KYAT1: variants seen among roughly 807,000 people sequenced by gnomAD.
KYAT1 encodes the protein kynurenine--oxoglutarate transaminase 1.
Under a neutral mutation model 52.4 loss-of-function variants are expected in KYAT1, and 47 were observed. The ratio of observed to expected loss-of-function variants is 0.90; its 90% CI spans 0.71 to 1.14. The LOEUF is 1.14. Among genes scored for constraint, KYAT1 ranks in the 50% most tolerant of loss-of-function variants. The pLI is 0.00. For synonymous variants in KYAT1, 212 were observed against 209.6 expected, an observed-to-expected ratio of 1.01 and a Z score of -0.10; for missense variants, 480 against 557.9, an observed-to-expected ratio of 0.86 and a Z score of 1.41.
chr9:128,850,618 G>A (rs547206210), intron 1 of KYAT1, among the ~76,000 whole-genome samples: 9 of 152,278 alleles, frequency 5.9e-5, no homozygotes, highest in Admixed American at 3.3e-4. Flanking sequence ...CTGAAATATG[G>A]CCTCGTGGGA....
intron 1 of KYAT1, among the ~76,000 whole-genome samples, chr9:128,862,538 C>A (rs1435375870): frequency 1.3e-5 from 2 of 152,204 alleles, no homozygotes. Flanking sequence ...AGAAACAGAT[C>A]CCAGCTGTGG....
intron 3 of KYAT1, chr9:128,840,724 T>A (rs1832006691): frequency 2.4e-6 from 1 of 421,142 alleles, no homozygotes. Context: ...AATTATTTAC[T>A]TAGTTGTTTG....
intron 1 of KYAT1, 38 bp from the exon 2 acceptor site, chr9:128,845,449 G>A (rs2119163702): frequency 1.2e-6 from 2 of 1,604,364 alleles, no homozygotes; most frequent in Non-Finnish European, 1.7e-6. Flanking sequence ...GATGGAATCT[G>A]TCTGGGTGCA....
intron 1 of KYAT1, among the ~76,000 whole-genome samples, chr9:128,871,275 G>A (rs1837192959): frequency 6.6e-6 from 1 of 151,964 alleles, no homozygotes; most frequent in African/African-American, 2.4e-5. Flanking sequence ...CCAAGATTGT[G>A]CCACTGTACT....
At chr9:128,853,225 T>C (rs1834168773) in intron 1 of KYAT1, among the ~76,000 whole-genome samples, 1 of 152,212 alleles carries the variant, frequency 6.6e-6, no homozygotes, top group African/African-American at 2.4e-5. Flanking sequence ...TTTGTGGGAA[T>C]TATTGACAAT....
At chr9:128,878,232 T>G (rs1277581080) in intron 1 of KYAT1, among the ~76,000 whole-genome samples, 2 of 152,124 alleles carry the variant, frequency 1.3e-5, no homozygotes, top group Non-Finnish European at 2.9e-5. Context: ...CCTCCCAGTT[T>G]CAAGCGATTC....
rs902008650 is a variant in KYAT1, at chr9:128,875,273, T to G, written c.-7+6624A>C. Among the ~76,000 whole-genome samples the G allele has an allele frequency of 5.3e-5, 8 of 150,226 alleles. 1 individual carries two copies. The highest frequency in any genetic ancestry group is 4.2e-4 in the South Asian group (2 of 4,736). On this transcript the variant is annotated intron_variant, in intron 1 of 12. Transcript: ENST00000302586. Reference sequence around the variant, plus strand: ...GTTTTTTTTTTTTTTTTGGTTTTTGTTTTTGAGATGGAGTCCTGCTGTGTC... The same window carrying G: ...GTTTTTTTTTTTTTTTTGGTTTTTGGTTTTGAGATGGAGTCCTGCTGTGTC...
chr9:128,879,496 T>C (rs1485388309), intron 1 of KYAT1, among the ~76,000 whole-genome samples: 5 of 152,080 alleles, frequency 3.3e-5, no homozygotes, highest in Non-Finnish European at 4.4e-5. Flanking sequence ...GAGAGGTTAG[T>C]GTGGCGTTCT....
chr9:128,835,489 G>T lies in KYAT1; in HGVS notation c.1034C>A (p.Ser345Ter). The change falls in exon 10 of 13, where the codon TCA becomes TAA. Residue 345 changes from serine to a stop codon, truncating the protein, a stop_gained. Coordinates refer to ENST00000302586, the MANE Select transcript of KYAT1 (RefSeq NM_004059.5). LOFTEE classifies it high-confidence loss of function. Reference protein sequence around the residue: ...QGSYFLITDISDFKRKMPDLP... With the variant: ...QGSYFLITDI ...CGGCAAGTCTCACTCACTGAAGTCT[G>T]AGATGTCTGTGATGAGGAAGTAGCT... The T allele has an allele frequency of 6.2e-7, 1 of 1,613,872 alleles. No individual in the cohort carries two copies. Among genetic ancestry groups the T allele is most frequent in the Non-Finnish European group, 8.5e-7 (1 of 1,180,018 alleles).
At position 128,835,506 on chromosome 9, in the gene KYAT1, G is replaced by A. The variant is rs760153693; in HGVS notation, c.1017C>T (p.Phe339=). 1.2e-6 allele frequency: 2 copies of A among 1,613,838 alleles called. No homozygotes were observed. The highest frequency in any genetic ancestry group is 3.3e-5 in the Admixed American group (2 of 60,014). The change falls in exon 10 of 13, where the codon TTC becomes TTT. Residue 339 remains phenylalanine, a synonymous_variant. Transcript: ENST00000302586. ...TGAAGTCTGAGATGTCTGTGATGAG[G>A]AAGTAGCTGCCCTGAGGGATGATGG... ...LKPIIPQGSY[F]LITDISDFKR... is the part of the protein sequence containing the mutation.
intron 3 of KYAT1, chr9:128,840,633 G>A: frequency 2.4e-6 from 1 of 423,116 alleles, no homozygotes; most frequent in Non-Finnish European, 4.7e-6. Flanking sequence ...TTTTTTTTTT[G>A]GATCAAAGAA....
In KYAT1 at chr9:128,836,947, G is replaced by A. The variant is rs766792941; in HGVS notation, c.568-25C>T. 10 of 1,605,714 alleles carry A rather than the reference G, an allele frequency of 6.2e-6. No individual in the cohort carries two copies. In the South Asian group the frequency reaches 9.9e-5, roughly 16 times the overall value. On this transcript the variant is annotated intron_variant, in intron 6 of 12. Transcript: ENST00000302586. ...CCTGCAGATGCCCAAGGAGAGCACA[G>A]ACCTGCAGCTGGGACCGTCCCCAAA...
chr9:128,847,590 G>T, intron 1 of KYAT1: 2 of 1,241,130 alleles, frequency 1.6e-6, no homozygotes, highest in Non-Finnish European at 2.2e-6. Flanking sequence ...GGAGGAAACA[G>T]CCCTGGCCAG....
intron 1 of KYAT1, among the ~76,000 whole-genome samples, chr9:128,848,178 G>A (rs1320193523): frequency 6.6e-6 from 1 of 151,896 alleles, no homozygotes; most frequent in African/African-American, 2.4e-5. Flanking sequence ...AATTGACCAG[G>A]TGTGATGGTG....
At chr9:128,835,227 A>G (rs1589613034) in intron 11 of KYAT1, 96 bp downstream of exon 11, 1 of 950,116 alleles carries the variant, frequency 1.1e-6, no homozygotes, top group Non-Finnish European at 1.7e-6. Flanking sequence ...CAGAGGCTGG[A>G]CTAAGATCTA....
chr9:128,872,824 G>A (rs1374665119), intron 1 of KYAT1, among the ~76,000 whole-genome samples: 1 of 139,364 alleles, frequency 7.2e-6, no homozygotes, highest in African/African-American at 2.7e-5. Flanking sequence ...TGTAATCCTA[G>A]AACTTTGGGA....
intron 1 of KYAT1, among the ~76,000 whole-genome samples, chr9:128,876,055 G>A (rs1043527647): frequency 2.6e-5 from 4 of 152,156 alleles, no homozygotes; most frequent in Admixed American, 1.3e-4. Flanking sequence ...TCAGCCTGGC[G>A]TTTGGAGCCG....
intron 1 of KYAT1, among the ~76,000 whole-genome samples, chr9:128,865,349 ATATATATATATT>A (rs1836186735): frequency 2.4e-4 from 1 of 4,200 alleles, no homozygotes; most frequent in Non-Finnish European, 5.3e-4. Flanking sequence ...ATATATATAT[ATATATATATATT>A]TTTTTTTTTT....
Position 128,856,343 on chromosome 9 carries a change from G to A in KYAT1, c.-6-10932C>T, listed in dbSNP as rs1289402763. On this transcript the variant is annotated intron_variant, in intron 1 of 12. Coordinates refer to ENST00000302586, the MANE Select transcript of KYAT1 (RefSeq NM_004059.5). ...ATTTTGTATTAATCCTTGTATGTCT[G>A]TTCTCTGTTGCTGGTCTACAGGTGT... Among the ~76,000 whole-genome samples the A allele has an allele frequency of 2.0e-5, 3 of 152,156 alleles. No individual in the cohort carries two copies. The East Asian group carries it at 5.8e-4, about 29-fold the overall frequency.
Sources: gnomAD v4.1 joint callset for allele counts (sites outside exome capture counted in the v4.1 genomes callset) on GRCh38, gnomAD v4.1.1 for gene constraint, MANE v1.5 for transcripts, NCBI Gene and HGNC (gene_info 2026-07-23, HGNC 2026-07-21) for gene names.